PMS1: variants seen among roughly 807,000 people sequenced by gnomAD.
PMS1 encodes the protein PMS1 homolog 1, mismatch repair system component.
Under a neutral mutation model 93.1 loss-of-function variants are expected in PMS1, and 79 were observed. That is an observed-to-expected ratio of 0.85 (90% CI 0.71 to 1.02). PMS1 has a LOEUF of 1.02. PMS1 is among the 50% of genes least tolerant of loss of function. The probability of loss-of-function intolerance (pLI) is 0.00; values close to 1 mark genes in which losing one functional copy is unlikely to be tolerated. For missense variants in PMS1, 1,064 were observed against 1,085.3 expected (o/e 0.98, Z 0.28); for synonymous variants, 335 against 363.4 (o/e 0.92, Z 0.89).
rs13392056 is a variant in PMS1, at chr2:189,788,961, T to G, written c.-20-2829T>G. On this transcript the variant is annotated intron_variant, in intron 1 of 12. Transcript: ENST00000441310. ...ACAGCACTAATTTGTGTGAATGTTA[T>G]GATGATGGAGTAGCCTATAGTCCAC... 3.2e-3 allele frequency among the ~76,000 whole-genome samples: 487 copies of G among 152,292 alleles called. 1 individual carries two copies. Among genetic ancestry groups the G allele is most frequent in the African/African-American group, 0.011 (474 of 41,546 alleles).
chr2:189,824,615 G>A (rs987161614), intron 5 of PMS1, among the ~76,000 whole-genome samples: 4 of 151,992 alleles, frequency 2.6e-5, no homozygotes, highest in African/African-American at 9.7e-5. Flanking sequence ...ATAGCCTTCA[G>A]TAATTTCAGA....
Position 189,864,136 on chromosome 2 carries a change from T to C in PMS1, c.2250T>C (p.Tyr750=), listed in dbSNP as rs1196744737. The part of the protein sequence containing the change: ...SKTEVMLLNP[Y]RVEEALLFKR... Reference sequence around the variant, plus strand: ...CAGAGGTAATGTTATTAAATCCATATAGAGTAGAAGAAGCCCTGCTATTTA... The same window carrying C: ...CAGAGGTAATGTTATTAAATCCATACAGAGTAGAAGAAGCCCTGCTATTTA... The change falls in exon 10 of 13, where the codon TAT becomes TAC. Residue 750 remains tyrosine (Y), a synonymous_variant. Coordinates refer to ENST00000441310, the MANE Select transcript of PMS1 (RefSeq NM_000534.5). The C allele has an allele frequency of 5.0e-6, 8 of 1,612,444 alleles. No individual in the cohort carries two copies. Among genetic ancestry groups the C allele is most frequent in the South Asian group, 4.4e-5 (4 of 91,028 alleles).
chr2:189,869,663 C>G (rs1195406689), intron 11 of PMS1, among the ~76,000 whole-genome samples: 1 of 151,918 alleles, frequency 6.6e-6, no homozygotes, highest in Non-Finnish European at 1.5e-5. Flanking sequence ...CTACAAAATA[C>G]AAAAATTAGC....
At chr2:189,794,675 G>C (rs1048972802) in intron 2 of PMS1, among the ~76,000 whole-genome samples, 2 of 152,176 alleles carry the variant, frequency 1.3e-5, no homozygotes, top group Non-Finnish European at 2.9e-5. Context: ...TATTATGGAA[G>C]TTGGCTGCCA....
chr2:189,827,804 A>G (rs2052567044), intron 5 of PMS1, among the ~76,000 whole-genome samples: 1 of 152,212 alleles, frequency 6.6e-6, no homozygotes, highest in Non-Finnish European at 1.5e-5. Flanking sequence ...TTGATTTCAT[A>G]GAAATAGAGA....
intron 11 of PMS1, among the ~76,000 whole-genome samples, chr2:189,871,779 A>T (rs2057170169): frequency 6.6e-6 from 1 of 152,188 alleles, no homozygotes; most frequent in Non-Finnish European, 1.5e-5. Flanking sequence ...ATAAAAGAAT[A>T]CTTGAGACTA....
chr2:189,788,190 G>A (rs2048534519), intron 1 of PMS1, among the ~76,000 whole-genome samples: 1 of 152,190 alleles, frequency 6.6e-6, no homozygotes, highest in South Asian at 2.1e-4. Flanking sequence ...GTTGATCAGT[G>A]TTTTTCTTAG....
intron 3 of PMS1, among the ~76,000 whole-genome samples, chr2:189,798,707 A>AC (rs1427712330): frequency 6.7e-6 from 1 of 149,598 alleles, no homozygotes; most frequent in African/African-American, 2.5e-5. Context: ...GCTGTCAGTG[A>AC]CTACTCTAGA....
chr2:189,831,613 G>T (rs562996382), intron 5 of PMS1, among the ~76,000 whole-genome samples: 1 of 152,038 alleles, frequency 6.6e-6, no homozygotes, highest in Non-Finnish European at 1.5e-5. Context: ...CTCCTATAAT[G>T]TATTACCTTC....
In PMS1 at chr2:189,867,845, G is replaced by A. The variant is rs2106529981; in HGVS notation, c.2389G>A (p.Ala797Thr). ...HYLDVLYKMTADDQRYSGSTY... is the reference protein window; with the variant it reads ...HYLDVLYKMTTDDQRYSGSTY... ...TTTAGACGTTTTATATAAAATGACA[G>A]CAGATGACCAAAGATACAGTGGATC... Residue 797 changes from alanine (A) to threonine (T), a missense_variant, in exon 11 of 13, where the codon GCA (alanine) becomes ACA (threonine). Coordinates refer to ENST00000441310, the MANE Select transcript of PMS1 (RefSeq NM_000534.5). 1 of 1,581,264 alleles carries A rather than the reference G, an allele frequency of 6.3e-7. No homozygotes were observed. The highest frequency in any genetic ancestry group is 8.7e-7 in the Non-Finnish European group (1 of 1,150,202).
At position 189,818,243 on chromosome 2, in the gene PMS1, A is replaced by G; in HGVS notation, c.582+63A>G. The G allele has an allele frequency of 3.6e-6, 4 of 1,106,404 alleles. 1 individual carries two copies. The highest frequency in any genetic ancestry group is 5.4e-6 in the Non-Finnish European group (4 of 744,196). The allele number at this position is 1,106,404 out of a possible 1,614,324, so 68.5% of individuals were successfully genotyped here. A position where few individuals can be genotyped will look rare whatever the true frequency, so the allele number is the denominator to read the frequency against. ...TGATATAATAAACAATGTATACTTT[A>G]TAAATCAGTTAGATATGGGCTATGA... is the stretch of plus-strand genomic sequence containing the variant. On this transcript the variant is annotated intron_variant, in intron 5 of 12. Transcript: ENST00000441310.
chr2:189,791,122 C>A (rs935212143), intron 1 of PMS1, among the ~76,000 whole-genome samples: 1 of 151,248 alleles, frequency 6.6e-6, no homozygotes, highest in African/African-American at 2.4e-5. Context: ...TTTTTTGAAC[C>A]CATTTTTGGT....
At position 189,816,742 on chromosome 2, in the gene PMS1, G is replaced by A. The variant is rs181446684; in HGVS notation, c.419-1275G>A. Among the ~76,000 whole-genome samples, 10 of 152,030 alleles carry A rather than the reference G, an allele frequency of 6.6e-5. 1 individual carries two copies. In the East Asian group the frequency reaches 1.9e-3, roughly 29 times the overall value. On this transcript the variant is annotated intron_variant, in intron 4 of 12. Coordinates refer to ENST00000441310, the MANE Select transcript of PMS1 (RefSeq NM_000534.5). ...AAAGTCTTATACGTTCCTTATGATT[G>A]CCATTTTCTTTGTGTTTTTGCTCTG... is the stretch of plus-strand genomic sequence containing the variant.
At chr2:189,826,767 A>G (rs1049005246) in intron 5 of PMS1, among the ~76,000 whole-genome samples, 2 of 152,098 alleles carry the variant, frequency 1.3e-5, no homozygotes, top group African/African-American at 4.8e-5. Context: ...AGCCTTTTAT[A>G]GGAGGGAGGG....
At chr2:189,805,851 CT>C (rs1352575111) in intron 4 of PMS1, 97 bp downstream of exon 4, 8 of 1,563,918 alleles carry the variant, frequency 5.1e-6, no homozygotes, top group Non-Finnish European at 6.9e-6. Context: ...AAATATATTG[CT>C]TTGGGCTTGG....
intron 1 of PMS1, among the ~76,000 whole-genome samples, chr2:189,787,276 C>T (rs964195411): frequency 2.0e-5 from 3 of 152,204 alleles, no homozygotes; most frequent in African/African-American, 7.2e-5. Flanking sequence ...CTAATGTTTG[C>T]GTTAGCATAA....
intron 5 of PMS1, among the ~76,000 whole-genome samples, chr2:189,829,424 C>T (rs2052730296): frequency 6.6e-6 from 1 of 152,128 alleles, no homozygotes; most frequent in Non-Finnish European, 1.5e-5. Context: ...ATCCCTTGTT[C>T]CTACTGCTTT....
chr2:189,838,040 T>C (rs1032432838), intron 5 of PMS1, among the ~76,000 whole-genome samples: 2 of 152,228 alleles, frequency 1.3e-5, no homozygotes, highest in African/African-American at 4.8e-5. Context: ...ATATAGGTTT[T>C]CTTTTTGGAC....
rs5743143 is a variant in PMS1, at chr2:189,857,531, G to T, written c.1856+2403G>T. The T allele has an allele frequency of 1.8e-3, 827 of 460,830 alleles. 7 individuals carry two copies. The highest frequency in any genetic ancestry group is 0.015 in the African/African-American group (766 of 49,774). 28.5% of individuals were successfully genotyped at this position (460,830 alleles called of 1,614,324 possible). On this transcript the variant is annotated intron_variant, in intron 9 of 12. Transcript: ENST00000441310. Reference sequence around the variant, plus strand: ...TATATTAAGAGATATGAGAGTAGACGCCTCTTCTATAGACCTTCAGTCCAT... The same window carrying T: ...TATATTAAGAGATATGAGAGTAGACTCCTCTTCTATAGACCTTCAGTCCAT...
Sources: allele counts gnomAD v4.1 joint callset (sites outside exome capture counted in the v4.1 genomes callset), GRCh38; gene constraint gnomAD v4.1.1; transcripts MANE v1.5; gene names NCBI Gene and HGNC (gene_info 2026-07-23, HGNC 2026-07-21).